Variants in CSMD2 observed in about 807,000 individuals in gnomAD.
CSMD2 encodes the protein CUB and sushi domain-containing protein 2.
Under a neutral mutation model 398.5 loss-of-function variants are expected in CSMD2, and 130 were observed. The observed-to-expected ratio is 0.33, with a 90% CI of 0.28 to 0.38. The LOEUF is 0.38. CSMD2 is among the 10% of genes least tolerant of loss of function. CSMD2 has a pLI of 1.00. For synonymous variants in CSMD2, 1,828 were observed against 1,908.5 expected, an observed-to-expected ratio of 0.96 and a Z score of 1.10; for missense variants, 3,829 against 4,764.9, an observed-to-expected ratio of 0.80 and a Z score of 5.78.
chr1:33,545,407 C>A (rs762064163), intron 57 of CSMD2, among the ~76,000 whole-genome samples: 3 of 152,176 alleles, frequency 2.0e-5, no homozygotes, highest in Non-Finnish European at 4.4e-5. Context: ...ATTTGTATAT[C>A]TTTTGGCACA....
At chr1:33,622,312 C>CTGGA (rs1557636563) in intron 36 of CSMD2, 41 bp from the exon 37 acceptor site, 1 of 1,443,188 alleles carries the variant, frequency 6.9e-7, no homozygotes, top group African/African-American at 1.4e-5. Context: ...AAGTTTGGCT[C>CTGGA]CTCCAGGCCC....
intron 22 of CSMD2, among the ~76,000 whole-genome samples, chr1:33,702,598 G>A (rs1645646209): frequency 6.6e-6 from 1 of 152,024 alleles, no homozygotes; most frequent in African/African-American, 2.4e-5. Context: ...ATAACAATAA[G>A]ATCGAATTAT....
intron 43 of CSMD2, among the ~76,000 whole-genome samples, chr1:33,601,284 G>A (rs746508036): frequency 5.9e-5 from 9 of 152,180 alleles, no homozygotes; most frequent in Non-Finnish European, 8.8e-5. Context: ...TAGGCTCCAT[G>A]GAGCAGGGGT....
intron 3 of CSMD2, among the ~76,000 whole-genome samples, chr1:33,955,168 A>C (rs1645125982): frequency 6.6e-6 from 1 of 152,092 alleles, no homozygotes; most frequent in South Asian, 2.1e-4. Flanking sequence ...CCAATTCCAG[A>C]ATTATTCATC....
rs115983758 is a variant in CSMD2, at chr1:33,968,351, C to T, written c.518-32397G>A. ...AAGGTGACTCCCAACAATCCTCTAG[C>T]ATCTGGTGTTCATGGCTTCTTGTAT... On this transcript the variant is annotated intron_variant, in intron 3 of 70. Transcript: ENST00000373381. Among the ~76,000 whole-genome samples, 292 of 152,344 alleles carry T rather than the reference C, an allele frequency of 1.9e-3. 1 individual carries two copies. The highest frequency in any genetic ancestry group is 3.5e-3 in the Non-Finnish European group (241 of 68,042).
intron 3 of CSMD2, among the ~76,000 whole-genome samples, chr1:33,970,648 C>T (rs958362503): frequency 4.6e-5 from 7 of 152,234 alleles, no homozygotes; most frequent in African/African-American, 1.7e-4. Flanking sequence ...CTCTGAGGCT[C>T]ATCCCCAGCC....
chr1:33,674,476 C>A (rs553352958), intron 25 of CSMD2, among the ~76,000 whole-genome samples: 1 of 152,124 alleles, frequency 6.6e-6, no homozygotes, highest in Non-Finnish European at 1.5e-5. Flanking sequence ...GAGTGACCTA[C>A]AAAGAGACTT....
chr1:34,069,210 C>T (rs774862086), intron 2 of CSMD2, among the ~76,000 whole-genome samples: 2 of 152,138 alleles, frequency 1.3e-5, no homozygotes, highest in Non-Finnish European at 2.9e-5. Flanking sequence ...CCTAAATATA[C>T]AGGGTATTCA....
At chr1:33,985,384 G>A (rs1053250072) in intron 3 of CSMD2, among the ~76,000 whole-genome samples, 1 of 152,230 alleles carries the variant, frequency 6.6e-6, no homozygotes, top group African/African-American at 2.4e-5. Context: ...GGGAGGACAG[G>A]AGGGACTGCG....
chr1:34,088,053 C>G (rs901814567), intron 2 of CSMD2, among the ~76,000 whole-genome samples: 1 of 152,206 alleles, frequency 6.6e-6, no homozygotes, highest in Non-Finnish European at 1.5e-5. Flanking sequence ...GGGCTGAAGA[C>G]TGTGCAGTAA....
intron 3 of CSMD2, among the ~76,000 whole-genome samples, chr1:33,950,453 T>A (rs1156992882): frequency 6.6e-6 from 1 of 151,662 alleles, no homozygotes; most frequent in Admixed American, 6.6e-5. Flanking sequence ...CATGCTGGTG[T>A]GTTGGTGTTA....
At chr1:34,052,278 T>C (rs990125610) in intron 2 of CSMD2, among the ~76,000 whole-genome samples, 10 of 151,618 alleles carry the variant, frequency 6.6e-5, no homozygotes, top group Admixed American at 3.9e-4. Context: ...ATAATATTAA[T>C]AAAAATAATA....
chr1:34,156,544 T>C (rs908856840), intron 1 of CSMD2, among the ~76,000 whole-genome samples: 1 of 152,256 alleles, frequency 6.6e-6, no homozygotes, highest in Non-Finnish European at 1.5e-5. Context: ...TACTTAATAA[T>C]AGAACTTATT....
chr1:33,889,135 G>A (rs1232315621), intron 5 of CSMD2, among the ~76,000 whole-genome samples: 1 of 152,066 alleles, frequency 6.6e-6, no homozygotes, highest in Non-Finnish European at 1.5e-5. Flanking sequence ...AACAAAGTAA[G>A]GCTAAAAGAC....
At chr1:33,930,972 C>T (rs570733152) in intron 4 of CSMD2, among the ~76,000 whole-genome samples, 1 of 152,332 alleles carries the variant, frequency 6.6e-6, no homozygotes, top group South Asian at 2.1e-4. Flanking sequence ...GGGCACATGA[C>T]ATTTCCTAGA....
At chr1:33,589,986 T>C (rs768358416) in intron 44 of CSMD2, among the ~76,000 whole-genome samples, 4 of 152,178 alleles carry the variant, frequency 2.6e-5, no homozygotes, top group Non-Finnish European at 5.9e-5. Context: ...GTCATACTTA[T>C]CTTCAAAACT....
intron 53 of CSMD2, among the ~76,000 whole-genome samples, chr1:33,563,177 C>T (rs1658730160): frequency 6.6e-6 from 1 of 151,498 alleles, no homozygotes; most frequent in Non-Finnish European, 1.5e-5. Context: ...CATGTTGATC[C>T]TCAGCACCTA....
intron 1 of CSMD2, among the ~76,000 whole-genome samples, chr1:34,129,346 A>C (rs2148492746): frequency 6.6e-6 from 1 of 152,324 alleles, no homozygotes; most frequent in East Asian, 1.9e-4. Context: ...GTAAATAGGG[A>C]GGAATTTAAA....
At chr1:33,992,560 G>A (rs372111484) in intron 3 of CSMD2, among the ~76,000 whole-genome samples, 24 of 150,910 alleles carry the variant, frequency 1.6e-4, no homozygotes, top group African/African-American at 5.3e-4. Context: ...CAACTTCAAT[G>A]TCCATCAATA....
Sources: allele counts gnomAD v4.1 joint callset (sites outside exome capture counted in the v4.1 genomes callset), GRCh38; gene constraint gnomAD v4.1.1; transcripts MANE v1.5; gene names NCBI Gene and HGNC (gene_info 2026-07-23, HGNC 2026-07-21).